PRKG1: variants seen among roughly 807,000 people sequenced by gnomAD.
PRKG1 encodes the protein protein kinase cGMP-dependent 1.
A neutral mutation model predicts 88.1 loss-of-function variants in PRKG1; 35 were observed. That is an observed-to-expected ratio of 0.40 (90% CI 0.30 to 0.53). The LOEUF (loss-of-function observed/expected upper bound fraction) is 0.53. Ranked by LOEUF, PRKG1 falls within the 20% of genes least tolerant of loss-of-function variation. The pLI is 0.59. For synonymous variants in PRKG1, 303 were observed against 292.5 expected (o/e 1.04, Z -0.37); for missense variants, 540 against 839.8 (o/e 0.64, Z 4.41).
At chr10:51,290,884 G>A (rs1353977498) in intron 2 of PRKG1, among the ~76,000 whole-genome samples, 1 of 152,140 alleles carries the variant, frequency 6.6e-6, no homozygotes, top group African/African-American at 2.4e-5. Flanking sequence ...AGACGAAGAA[G>A]TGAAGAGTAA....
At chr10:51,589,053 T>G (rs2132203418) in intron 3 of PRKG1, among the ~76,000 whole-genome samples, 1 of 152,314 alleles carries the variant, frequency 6.6e-6, no homozygotes, top group East Asian at 1.9e-4. Flanking sequence ...AGCTGTTGTT[T>G]TGTCTCGAAA....
chr10:51,710,863 A>G (rs1841728705), intron 3 of PRKG1, among the ~76,000 whole-genome samples: 1 of 151,846 alleles, frequency 6.6e-6, no homozygotes, highest in Non-Finnish European at 1.5e-5. Flanking sequence ...TTTTTATTTA[A>G]TTTTCCTTTT....
intron 2 of PRKG1, among the ~76,000 whole-genome samples, chr10:51,256,242 A>G (rs1377236228): frequency 6.6e-6 from 1 of 152,118 alleles, no homozygotes; most frequent in Non-Finnish European, 1.5e-5. Context: ...TTAAATTACT[A>G]TGATTACTTG....
intron 3 of PRKG1, among the ~76,000 whole-genome samples, chr10:51,638,190 C>G (rs1839706792): frequency 6.6e-6 from 1 of 152,126 alleles, no homozygotes; most frequent in Admixed American, 6.5e-5. Flanking sequence ...CTGGCTGAAT[C>G]TCTTTTTCTG....
In PRKG1 at chr10:51,024,874, C is replaced by T. The variant is rs117507499; in HGVS notation, c.266+33230C>T. On this transcript the variant is annotated intron_variant, in intron 1 of 17. Coordinates refer to the PRKG1 transcript ENST00000401604. ...ATCCATCCCCATGATCCAGTCACCT[C>T]CCACCAGGCCCCACCTCCAACATTG... Among the ~76,000 whole-genome samples the T allele has an allele frequency of 6.9e-3, 1,057 of 152,234 alleles. 52 individuals are homozygous for T. The East Asian group carries it at 0.13, about 19-fold the overall frequency.
chr10:51,359,460 G>A (rs995042498), intron 2 of PRKG1, among the ~76,000 whole-genome samples: 3 of 130,900 alleles, frequency 2.3e-5, no homozygotes, highest in South Asian at 2.6e-4. Context: ...GTGTGTGTGC[G>A]TGTGTGTGTG....
intron 4 of PRKG1, among the ~76,000 whole-genome samples, chr10:51,849,318 T>C (rs1452659110): frequency 6.6e-6 from 1 of 152,152 alleles, no homozygotes; most frequent in Non-Finnish European, 1.5e-5. Flanking sequence ...ACCTAACCAT[T>C]TGAAAAAGCC....
chr10:51,464,271 G>A (rs1250057329), intron 2 of PRKG1, among the ~76,000 whole-genome samples: 1 of 151,850 alleles, frequency 6.6e-6, no homozygotes, highest in Non-Finnish European at 1.5e-5. Context: ...CTGGCTGAGC[G>A]AGACTCCATC....
At chr10:51,647,830 T>C (rs1157872340) in intron 3 of PRKG1, among the ~76,000 whole-genome samples, 39 of 152,118 alleles carry the variant, frequency 2.6e-4, no homozygotes, top group Admixed American at 2.6e-3. Context: ...CACCTAATGG[T>C]TTACCTAATT....
chr10:51,254,580 A>G (rs1251131514), intron 2 of PRKG1, among the ~76,000 whole-genome samples: 1 of 152,060 alleles, frequency 6.6e-6, no homozygotes, highest in Non-Finnish European at 1.5e-5. Context: ...AAAGCTATGG[A>G]ATGCAAAATT....
intron 3 of PRKG1, among the ~76,000 whole-genome samples, chr10:51,662,165 A>G (rs1389487111): frequency 1.3e-5 from 2 of 152,144 alleles, no homozygotes; most frequent in African/African-American, 4.8e-5. Flanking sequence ...AACATGGCAC[A>G]TGTATACATA....
At chr10:52,065,123 C>T (rs547953339) in intron 7 of PRKG1, among the ~76,000 whole-genome samples, 157 of 152,212 alleles carry the variant, frequency 1.0e-3, no homozygotes, top group African/African-American at 3.7e-3. Context: ...ACTGAGTTGA[C>T]TTTTTACCAT....
At chr10:51,741,049 A>G (rs1225998681) in intron 3 of PRKG1, among the ~76,000 whole-genome samples, 1 of 152,070 alleles carries the variant, frequency 6.6e-6, no homozygotes, top group African/African-American at 2.4e-5. Flanking sequence ...ACCATCATAC[A>G]ATGCTAAGTT....
intron 2 of PRKG1, among the ~76,000 whole-genome samples, chr10:51,454,289 G>A (rs1375340886): frequency 1.3e-5 from 2 of 151,874 alleles, no homozygotes; most frequent in African/African-American, 2.4e-5. Context: ...CCTAGCCAAA[G>A]CAAGGCTAAG....
At chr10:51,178,630 C>G (rs1564628673) in intron 2 of PRKG1, among the ~76,000 whole-genome samples, 1 of 152,046 alleles carries the variant, frequency 6.6e-6, no homozygotes, top group African/African-American at 2.4e-5. Flanking sequence ...GAGTGAGAAC[C>G]CTGTCTCAAA....
At chr10:52,069,155 G>A (rs147521289) in intron 7 of PRKG1, among the ~76,000 whole-genome samples, 1 of 152,306 alleles carries the variant, frequency 6.6e-6, no homozygotes, top group East Asian at 1.9e-4. Context: ...TTCATAGTCT[G>A]TGATCATGGA....
chr10:51,903,203 C>A (rs1589406129), intron 4 of PRKG1, among the ~76,000 whole-genome samples: 1 of 151,852 alleles, frequency 6.6e-6, no homozygotes, highest in South Asian at 2.1e-4. Flanking sequence ...AAATGAGAGA[C>A]TATAGAGAGG....
chr10:51,828,520 T>G (rs1839931552), intron 4 of PRKG1, among the ~76,000 whole-genome samples: 2 of 152,096 alleles, frequency 1.3e-5, no homozygotes, highest in South Asian at 2.1e-4. Flanking sequence ...AGTCACCACT[T>G]TAAACAAAGC....
At chr10:51,395,698 C>A (rs1361258275) in intron 2 of PRKG1, among the ~76,000 whole-genome samples, 1 of 152,154 alleles carries the variant, frequency 6.6e-6, no homozygotes, top group Admixed American at 6.5e-5. Context: ...TGGAAGAGAT[C>A]TCTGAGGCAT....
Sources: gnomAD v4.1 joint callset for allele counts (sites outside exome capture counted in the v4.1 genomes callset) on GRCh38, gnomAD v4.1.1 for gene constraint, MANE v1.5 for transcripts, NCBI Gene and HGNC (gene_info 2026-07-23, HGNC 2026-07-21) for gene names.